Variants in PRDM11 observed in about 807,000 individuals in gnomAD.
The protein encoded by PRDM11 is PR domain-containing protein 11.
A neutral mutation model predicts 97.8 loss-of-function variants in PRDM11; 20 were observed. The observed-to-expected ratio is 0.20, with a 90% CI of 0.14 to 0.30. PRDM11 has a LOEUF of 0.30. Ranked by LOEUF, PRDM11 falls within the 10% of genes least tolerant of loss-of-function variation. The pLI is 1.00. For synonymous variants in PRDM11, 599 were observed against 637.7 expected (o/e 0.94, Z 0.91); for missense variants, 1,139 against 1,555.2 (o/e 0.73, Z 4.50).
chr11:45,108,784 G>A (rs1852113646), intron 1 of PRDM11, among the ~76,000 whole-genome samples: 1 of 152,188 alleles, frequency 6.6e-6, no homozygotes, highest in Non-Finnish European at 1.5e-5. Flanking sequence ...GACTTTCTCA[G>A]CCTGCCCCTG....
chr11:45,189,624 C>T (rs770619874), intron 4 of PRDM11, among the ~76,000 whole-genome samples: 1 of 152,230 alleles, frequency 6.6e-6, no homozygotes, highest in Non-Finnish European at 1.5e-5. Flanking sequence ...AGACTGCTAC[C>T]GTTCTGGGGA....
chr11:45,224,571 A>G lies in PRDM11; in HGVS notation c.1097A>G (p.Lys366Arg). The change falls in exon 7 of 8, where the codon AAG (lysine) becomes AGG (arginine). Residue 366 changes from lysine (K) to arginine (R), a missense_variant. By Grantham distance (26) the Lys-to-Arg change is conservative. Coordinates refer to ENST00000683152, the MANE Select transcript of PRDM11 (RefSeq NM_001384648.1). ...IGQTQGEGDW[K>R]VPQGVSKEPG... ...CAGACCCAGGGGGAGGGGGACTGGA[A>G]GGTCCCCCAGGGGGTCTCCAAGGAG... 1 of 1,614,068 alleles carries G rather than the reference A, an allele frequency of 6.2e-7. No individual in the cohort carries two copies. Among genetic ancestry groups the G allele is most frequent in the Non-Finnish European group, 8.5e-7 (1 of 1,180,002 alleles).
At chr11:45,107,243 C>A (rs901041665) in intron 1 of PRDM11, among the ~76,000 whole-genome samples, 7 of 152,164 alleles carry the variant, frequency 4.6e-5, no homozygotes, top group Non-Finnish European at 7.3e-5. Context: ...CTCTGCTCAG[C>A]CCACTCCCGG....
chr11:45,125,440 A>C, intron 1 of PRDM11, among the ~76,000 whole-genome samples: 1 of 152,006 alleles, frequency 6.6e-6, no homozygotes, highest in East Asian at 1.9e-4. Context: ...TTAGGGTGTC[A>C]ATTTTGGATC....
In PRDM11 at chr11:45,182,995, G is replaced by A; in HGVS notation, c.358G>A (p.Val120Ile). 1 of 1,614,140 alleles carries A rather than the reference G, an allele frequency of 6.2e-7. No individual in the cohort carries two copies. Among genetic ancestry groups the A allele is most frequent in the Non-Finnish European group, 8.5e-7 (1 of 1,180,034 alleles). The change falls in exon 4 of 8, where the codon GTC becomes ATC. Residue 120 changes from valine (V) to isoleucine (I), a missense_variant. By Grantham distance (29) the Val-to-Ile change is conservative. Coordinates refer to ENST00000683152, the MANE Select transcript of PRDM11 (RefSeq NM_001384648.1). ...ALTIPQGMEV[V>I]KDTSGESDVR... ...CACCATCCCACAGGGCATGGAGGTG[G>A]TCAAGGACACTAGTGGAGAGAGTGA...
chr11:45,225,767 T>G (rs531429083), intron 7 of PRDM11, among the ~76,000 whole-genome samples: 1 of 152,118 alleles, frequency 6.6e-6, no homozygotes, highest in Non-Finnish European at 1.5e-5. Flanking sequence ...TGAAATCTGG[T>G]GGGTGTGACA....
intron 1 of PRDM11, among the ~76,000 whole-genome samples, chr11:45,104,825 G>A (rs1313413939): frequency 6.6e-6 from 1 of 152,166 alleles, no homozygotes; most frequent in Non-Finnish European, 1.5e-5. Context: ...GGGACCCAGA[G>A]TTGGGTTCTC....
At chr11:45,095,356 TC>T (rs1178559148), upstream of PRDM11, among the ~76,000 whole-genome samples, 1 of 152,040 alleles carries the variant, frequency 6.6e-6, no homozygotes, top group African/African-American at 2.4e-5. Flanking sequence ...CAGCCTGATC[TC>T]CCCAGGCATC....
rs1854342159 is a variant in PRDM11 at position 45,228,919 on chromosome 11, A to G, written c.*760A>G. On this transcript the variant is annotated 3_prime_UTR_variant, in exon 8 of 8. Transcript: ENST00000683152. ...CCCCTGGAAACTCACAATATTACCC[A>G]TTATACTGAAGGCAACATTGCCTCA... is the stretch of plus-strand genomic sequence containing the variant. 6.6e-6 allele frequency: 1 copy of G among 152,158 alleles called. No homozygotes were observed. Among genetic ancestry groups the G allele is most frequent in the Non-Finnish European group, 1.5e-5 (1 of 68,054 alleles). 9.4% of individuals were successfully genotyped at this position (152,158 alleles called of 1,614,324 possible).
intron 1 of PRDM11, among the ~76,000 whole-genome samples, chr11:45,119,981 T>A (rs945242731): frequency 6.6e-6 from 1 of 152,028 alleles, no homozygotes; most frequent in East Asian, 1.9e-4. Context: ...TGAAAATAAA[T>A]ACAGGAAAAG....
At chr11:45,203,848 A>T (rs945014147) in intron 4 of PRDM11, among the ~76,000 whole-genome samples, 8 of 152,212 alleles carry the variant, frequency 5.3e-5, no homozygotes, top group Admixed American at 3.9e-4. Context: ...AAAATGGCCG[A>T]GAAGCTGTAT....
chr11:45,193,197 C>T (rs1360363820), intron 4 of PRDM11, among the ~76,000 whole-genome samples: 1 of 152,218 alleles, frequency 6.6e-6, no homozygotes, highest in Non-Finnish European at 1.5e-5. Flanking sequence ...CTGCCTCAGC[C>T]TCCAGAGTAG....
intron 4 of PRDM11, among the ~76,000 whole-genome samples, chr11:45,187,118 G>T (rs1852732000): frequency 1.3e-5 from 2 of 152,166 alleles, no homozygotes; most frequent in South Asian, 4.1e-4. Context: ...GAGGAGCAGG[G>T]GCCATGGTGG....
At position 45,231,920 on chromosome 11, in the gene PRDM11, C is replaced by T. The variant is rs960104692; in HGVS notation, c.*3761C>T. On this transcript the variant is annotated 3_prime_UTR_variant, in exon 8 of 8. Coordinates refer to ENST00000683152, the MANE Select transcript of PRDM11 (RefSeq NM_001384648.1). ...AGGCACATCCTCATTTCCCCATCCT[C>T]ACTTGGGACTGAGAGCAGGCTCAAG... 4 of 152,138 alleles carry T rather than the reference C, an allele frequency of 2.6e-5. No homozygotes were observed. Among genetic ancestry groups the T allele is most frequent in the Admixed American group, 1.3e-4 (2 of 15,278 alleles). The allele number at this position is 152,138 out of a possible 1,614,324, so 9.4% of individuals were successfully genotyped here.
Position 45,194,590 on chromosome 11 carries a change from C to CTTTTTTTTTTTTTTTTTTTTTTTT in PRDM11, c.487-10120_487-10119insTTTTTTTTTTTTTTTTTTTTTTTT, listed in dbSNP as rs1183339151. On this transcript the variant is annotated intron_variant, in intron 4 of 7. Coordinates refer to ENST00000683152, the MANE Select transcript of PRDM11 (RefSeq NM_001384648.1). Reference sequence around the variant, plus strand: ...AGTACTGTGGGATAGTTATTATCTTCTGTTTTTTTTTTTTTTTTTTTTTTT... The same window carrying CTTTTTTTTTTTTTTTTTTTTTTTT: ...AGTACTGTGGGATAGTTATTATCTTCTTTTTTTTTTTTTTTTTTTTTTTTTGTTTTTTTTTTTTTTTTTTTTTTT... Among the ~76,000 whole-genome samples the CTTTTTTTTTTTTTTTTTTTTTTTT allele has an allele frequency of 6.7e-5, 6 of 89,992 alleles. 3 individuals carry two copies. The highest frequency in any genetic ancestry group is 7.7e-5 in the African/African-American group (2 of 26,140). The allele number at this position is 89,992 out of a possible 152,430, so 59.0% of individuals were successfully genotyped here.
At chr11:45,208,934 C>A (rs1413308110) in intron 5 of PRDM11, 2 of 456,596 alleles carry the variant, frequency 4.4e-6, no homozygotes, top group South Asian at 3.1e-5. Context: ...AGGAGCTGGA[C>A]ATTCTTGTCA....
intron 1 of PRDM11, among the ~76,000 whole-genome samples, chr11:45,122,413 A>G (rs564357229): frequency 7.2e-5 from 11 of 151,830 alleles, no homozygotes; most frequent in Non-Finnish European, 1.5e-4. Flanking sequence ...CATGGTATAC[A>G]TATGCCATGT....
intron 1 of PRDM11, among the ~76,000 whole-genome samples, chr11:45,126,735 G>T (rs1438131843): frequency 6.6e-6 from 1 of 152,144 alleles, no homozygotes; most frequent in African/African-American, 2.4e-5. Context: ...TCCCTTTGTG[G>T]GTAACCCGAC....
chr11:45,097,863 G>A (rs1201196255), intron 1 of PRDM11, among the ~76,000 whole-genome samples: 1 of 152,248 alleles, frequency 6.6e-6, no homozygotes, highest in African/African-American at 2.4e-5. Context: ...AGTGGGGAGT[G>A]GGGAATATGA....
Sources: allele counts gnomAD v4.1 joint callset (sites outside exome capture counted in the v4.1 genomes callset), GRCh38; gene constraint gnomAD v4.1.1; transcripts MANE v1.5; gene names NCBI Gene and HGNC (gene_info 2026-07-23, HGNC 2026-07-21).